The following DLG2 variants were observed in gnomAD, a reference collection of about 807,000 sequenced individuals.
The protein encoded by DLG2 is discs large MAGUK scaffold protein 2, also known as disks large homolog 2.
Under a neutral mutation model 132.5 loss-of-function variants are expected in DLG2, and 45 were observed. The observed-to-expected ratio is 0.34, with a 90% CI of 0.27 to 0.44. The LOEUF (loss-of-function observed/expected upper bound fraction) is 0.44, where lower values mean the gene tolerates loss of function less well. DLG2 is among the 20% of genes least tolerant of loss of function. The pLI, the probability that DLG2 is intolerant of heterozygous loss-of-function variation, is 1.00. For synonymous variants in DLG2, 424 were observed against 419.6 expected, an observed-to-expected ratio of 1.01 and a Z score of -0.13; for missense variants, 1,045 against 1,196.9, an observed-to-expected ratio of 0.87 and a Z score of 1.87.
intron 3 of DLG2, among the ~76,000 whole-genome samples, chr11:85,490,007 G>C (rs117074120): frequency 1.3e-5 from 2 of 152,052 alleles, no homozygotes; most frequent in African/African-American, 4.8e-5. Flanking sequence ...GGACAACAAA[G>C]CAAGATCCTT....
chr11:83,759,747 A>G (rs1295642923), intron 18 of DLG2, among the ~76,000 whole-genome samples: 2 of 152,198 alleles, frequency 1.3e-5, no homozygotes, highest in Admixed American at 1.3e-4. Context: ...AGATCTCTGC[A>G]GAAAAATTTA....
chr11:83,493,336 TTTCCTTCC>T (rs201830272), intron 21 of DLG2, among the ~76,000 whole-genome samples: 9,227 of 131,772 alleles, frequency 0.07, 370 homozygotes, highest in East Asian at 0.085. Context: ...CTTTTCTTTC[TTTCCTTCC>T]TTCCTTCCTT....
At chr11:84,971,515 A>C (rs1224849559) in intron 6 of DLG2, among the ~76,000 whole-genome samples, 1 of 152,224 alleles carries the variant, frequency 6.6e-6, no homozygotes, top group Non-Finnish European at 1.5e-5. Context: ...AGATAGGAGA[A>C]AATGAGTCCT....
intron 18 of DLG2, among the ~76,000 whole-genome samples, chr11:83,686,630 C>T (rs2079835873): frequency 6.6e-6 from 1 of 152,182 alleles, no homozygotes; most frequent in African/African-American, 2.4e-5. Context: ...CTTATCTTCA[C>T]TACTTCTTAG....
intron 6 of DLG2, among the ~76,000 whole-genome samples, chr11:84,862,704 C>G (rs78166723): frequency 0.064 from 9,718 of 150,692 alleles, 569 homozygotes; most frequent in East Asian, 0.26. Flanking sequence ...TCATTTTCAG[C>G]AAACTAACAC....
At chr11:84,177,161 CT>C (rs1257450725) in intron 8 of DLG2, among the ~76,000 whole-genome samples, 4 of 152,050 alleles carry the variant, frequency 2.6e-5, no homozygotes, top group Admixed American at 1.3e-4. Context: ...TCATTATACT[CT>C]TTGTTTTCTT....
intron 18 of DLG2, among the ~76,000 whole-genome samples, chr11:83,702,062 G>T (rs2083046292): frequency 6.6e-6 from 1 of 152,194 alleles, no homozygotes; most frequent in Non-Finnish European, 1.5e-5. Context: ...TGCTGAAAGA[G>T]TATCTTGCCT....
At chr11:84,533,005 C>G (rs1448936544) in intron 7 of DLG2, among the ~76,000 whole-genome samples, 1 of 152,176 alleles carries the variant, frequency 6.6e-6, no homozygotes, top group African/African-American at 2.4e-5. Context: ...ACACAGAATT[C>G]TGATTCCTAA....
At chr11:83,928,083 T>C (rs2079328700) in intron 15 of DLG2, among the ~76,000 whole-genome samples, 1 of 151,978 alleles carries the variant, frequency 6.6e-6, no homozygotes, top group South Asian at 2.1e-4. Flanking sequence ...TGTTTTTGTG[T>C]GTCTATGACT....
chr11:84,103,052 C>A (rs555985749), intron 9 of DLG2, among the ~76,000 whole-genome samples: 2 of 152,204 alleles, frequency 1.3e-5, no homozygotes, highest in Admixed American at 6.5e-5. Flanking sequence ...CCCAAAGCAT[C>A]CCTGAAAGCT....
Position 84,266,626 on chromosome 11 carries a change from G to A in DLG2, c.520-15335C>T, listed in dbSNP as rs933296246. 5.3e-5 allele frequency among the ~76,000 whole-genome samples: 8 copies of A among 152,268 alleles called. 1 individual carries two copies. In the South Asian group the frequency reaches 8.3e-4, roughly 16 times the overall value. On this transcript the variant is annotated intron_variant, in intron 7 of 27. Transcript: ENST00000376104. ...ATTTAGAATCCAGAAAGGACAAAAC[G>A]CACTTGGAACACCATGAACTGGGAC...
intron 8 of DLG2, among the ~76,000 whole-genome samples, chr11:84,182,079 C>T (rs2096146739): frequency 6.6e-6 from 1 of 152,166 alleles, no homozygotes. Context: ...ATTACACATT[C>T]TTCTCAAACT....
chr11:84,512,225 G>A (rs766962998), intron 7 of DLG2, among the ~76,000 whole-genome samples: 3 of 152,090 alleles, frequency 2.0e-5, no homozygotes, highest in Non-Finnish European at 4.4e-5. Flanking sequence ...GGACACCTGA[G>A]CACCTTTTGT....
intron 3 of DLG2, among the ~76,000 whole-genome samples, chr11:85,569,433 TTAAAG>T (rs1424536479): frequency 3.9e-5 from 6 of 152,348 alleles, no homozygotes; most frequent in Non-Finnish European, 7.3e-5. Flanking sequence ...TTTATTCATC[TTAAAG>T]TATTTTCTAA....
chr11:85,388,340 TC>T (rs2086518727), intron 3 of DLG2, among the ~76,000 whole-genome samples: 1 of 152,050 alleles, frequency 6.6e-6, no homozygotes, highest in Non-Finnish European at 1.5e-5. Flanking sequence ...CTTAACCCTG[TC>T]CCCACCTGAT....
At chr11:84,493,687 G>T (rs1603220236) in intron 7 of DLG2, among the ~76,000 whole-genome samples, 1 of 152,160 alleles carries the variant, frequency 6.6e-6, no homozygotes, top group Admixed American at 6.6e-5. Flanking sequence ...AGATTACACA[G>T]GCTCATTTAG....
chr11:85,186,844 T>A (rs918876789), intron 4 of DLG2, among the ~76,000 whole-genome samples: 50 of 152,252 alleles, frequency 3.3e-4, no homozygotes, highest in African/African-American at 1.2e-3. Flanking sequence ...ATATATTTCA[T>A]TTTAAAAACT....
At position 84,098,968 on chromosome 11, in the gene DLG2, G is replaced by A. The variant is rs751367052; in HGVS notation, c.704C>T (p.Thr235Met). The change falls in exon 10 of 28, where the codon ACG becomes ATG. Residue 235 changes from threonine to methionine, a missense_variant. By Grantham distance (81) the Thr-to-Met change is moderately conservative. This residue lies in a region of DLG2 where 109 missense variants were observed against 159.1 expected (regional missense o/e 0.69). Coordinates refer to ENST00000376104, the MANE Select transcript of DLG2 (RefSeq NM_001142699.3). Reference sequence around the variant, plus strand: ...TGCAGCACCTCCTGGTATAATCTTCGTAATAAATATGCCAGGGTCATCTCC... The same window carrying A: ...TGCAGCACCTCCTGGTATAATCTTCATAATAAATATGCCAGGGTCATCTCC... ...HIGDDPGIFI[T>M]KIIPGGAAAE... 6.2e-6 allele frequency: 10 copies of A among 1,613,322 alleles called. No individual in the cohort carries two copies. Among genetic ancestry groups the A allele is most frequent in the Non-Finnish European group, 4.2e-6 (5 of 1,179,664 alleles).
chr11:83,775,210 C>T (rs1368855488), intron 18 of DLG2, among the ~76,000 whole-genome samples: 1 of 152,166 alleles, frequency 6.6e-6, no homozygotes, highest in Admixed American at 6.5e-5. Context: ...CCCTCCATAT[C>T]CCTCTCCTGG....
Sources: allele counts gnomAD v4.1 joint callset (sites outside exome capture counted in the v4.1 genomes callset), GRCh38; gene constraint gnomAD v4.1.1; regional missense constraint gnomAD v4.1.1; transcripts MANE v1.5; gene names NCBI Gene and HGNC (gene_info 2026-07-23, HGNC 2026-07-21).